CLOCK: variants seen among roughly 807,000 people sequenced by gnomAD.
The protein encoded by CLOCK is clock circadian regulator.
CLOCK carries 43 observed loss-of-function variants against 118.4 expected under a neutral mutation model. The observed-to-expected ratio is 0.36, with a 90% confidence interval of 0.28 to 0.47. The LOEUF (loss-of-function observed/expected upper bound fraction) is 0.47, where lower values mean the gene tolerates loss of function less well. Ranked by LOEUF, CLOCK falls within the 20% of genes least tolerant of loss-of-function variation. The probability of loss-of-function intolerance (pLI) is 1.00; values close to 1 mark genes in which losing one functional copy is unlikely to be tolerated. For synonymous variants in CLOCK, 326 were observed against 339.2 expected (o/e 0.96, Z 0.43); for missense variants, 846 against 999.9 (o/e 0.85, Z 2.08).
intron 1 of CLOCK, among the ~76,000 whole-genome samples, chr4:55,526,534 C>A (rs1185336893): frequency 1.3e-5 from 2 of 152,152 alleles, no homozygotes; most frequent in African/African-American, 4.8e-5. Flanking sequence ...GTAGCAATGT[C>A]ACATTCAAGA....
Position 55,430,864 on chromosome 4 carries a change from G to A in CLOCK, c.*4551C>T, listed in dbSNP as rs939031986. 4.6e-5 allele frequency: 7 copies of A among 152,142 alleles called. No individual in the cohort carries two copies. Among genetic ancestry groups the A allele is most frequent in the Non-Finnish European group, 8.8e-5 (6 of 68,026 alleles). 9.4% of individuals were successfully genotyped at this position (152,142 alleles called of 1,614,324 possible). Reference sequence around the variant, plus strand: ...CAATAGGCAAGATAGGTTTACAATAGTGTTTAAATCAAACTAGGCATCTAC... The same window carrying A: ...CAATAGGCAAGATAGGTTTACAATAATGTTTAAATCAAACTAGGCATCTAC... On this transcript the variant is annotated 3_prime_UTR_variant, in exon 23 of 23. Coordinates refer to ENST00000513440, the MANE Select transcript of CLOCK (RefSeq NM_004898.4).
intron 1 of CLOCK, among the ~76,000 whole-genome samples, chr4:55,542,379 A>ATATTATTATTAT (rs58368138): frequency 1.8e-5 from 1 of 56,566 alleles, no homozygotes; most frequent in African/African-American, 8.8e-5. Flanking sequence ...AATAATAATA[A>ATATTATTATTAT]TATTATTATT....
At chr4:55,505,474 G>T (rs1262865889) in intron 2 of CLOCK, among the ~76,000 whole-genome samples, 1 of 151,788 alleles carries the variant, frequency 6.6e-6, no homozygotes, top group East Asian at 2.0e-4. Flanking sequence ...GACCAGCCTG[G>T]GCAACATGGC....
At chr4:55,529,157 T>C (rs1302366707) in intron 1 of CLOCK, among the ~76,000 whole-genome samples, 1 of 152,100 alleles carries the variant, frequency 6.6e-6, no homozygotes, top group Admixed American at 6.6e-5. Context: ...AAAGATATTA[T>C]CTATTTTTTT....
chr4:55,428,865 G>C lies in CLOCK; in HGVS notation c.*6550C>G, dbSNP rs1467408837. The C allele has an allele frequency of 1.3e-5, 2 of 149,790 alleles. No individual in the cohort carries two copies. Among genetic ancestry groups the C allele is most frequent in the African/African-American group, 4.9e-5 (2 of 40,672 alleles). 9.3% of individuals were successfully genotyped at this position (149,790 alleles called of 1,614,324 possible). A position where few individuals can be genotyped will look rare whatever the true frequency, so the allele number is the denominator to read the frequency against. On this transcript the variant is annotated 3_prime_UTR_variant, in exon 23 of 23. Transcript: ENST00000513440. Reference sequence around the variant, plus strand: ...ATCTTTGGGCTTCAATCTTTACATAGAGTGAATATGAAAATGCCATACTGA... The same window carrying C: ...ATCTTTGGGCTTCAATCTTTACATACAGTGAATATGAAAATGCCATACTGA...
chr4:55,518,453 T>A (rs560695161), intron 1 of CLOCK, among the ~76,000 whole-genome samples: 33 of 152,342 alleles, frequency 2.2e-4, no homozygotes, highest in African/African-American at 7.5e-4. Context: ...GCTTAAAAGG[T>A]TGACTGTAGA....
At chr4:55,440,874 T>C (rs369269155) in intron 21 of CLOCK, among the ~76,000 whole-genome samples, 1 of 152,160 alleles carries the variant, frequency 6.6e-6, no homozygotes, top group South Asian at 2.1e-4. Context: ...AGCTCAAGTC[T>C]TGAAGAGTCA....
intron 17 of CLOCK, among the ~76,000 whole-genome samples, chr4:55,449,160 C>T (rs1724206684): frequency 8.8e-6 from 1 of 113,736 alleles, no homozygotes; most frequent in South Asian, 3.9e-4. Flanking sequence ...CAATTTTGAG[C>T]TTTCCACAAT....
At chr4:55,532,305 G>A (rs1032401610) in intron 1 of CLOCK, among the ~76,000 whole-genome samples, 2 of 152,126 alleles carry the variant, frequency 1.3e-5, no homozygotes, top group African/African-American at 4.8e-5. Context: ...CACAGTACCA[G>A]AAGTCCTAGA....
At chr4:55,448,636 G>A (rs1724146133) in intron 18 of CLOCK, 143 bp downstream of exon 18, 1 of 574,600 alleles carries the variant, frequency 1.7e-6, no homozygotes, top group African/African-American at 2.0e-5. Context: ...GTGTGTGTGT[G>A]TGTGTGTGCT....
chr4:55,482,545 T>C (rs975310601), intron 4 of CLOCK, among the ~76,000 whole-genome samples, 194 bp downstream of exon 4: 2 of 152,224 alleles, frequency 1.3e-5, no homozygotes, highest in African/African-American at 4.8e-5. Context: ...CATATGCTGC[T>C]GACTTTGCCT....
intron 2 of CLOCK, among the ~76,000 whole-genome samples, chr4:55,492,349 A>G (rs1330883939): frequency 9.6e-6 from 1 of 104,672 alleles, no homozygotes; most frequent in Admixed American, 1.1e-4. Context: ...TCCAACACCT[A>G]TTCATGATAA....
rs1726487728 is a variant in CLOCK, at chr4:55,476,022, G to A, written c.289C>T (p.Arg97Ter). 2 of 1,612,858 alleles carry A rather than the reference G, an allele frequency of 1.2e-6. No individual in the cohort carries two copies. Among genetic ancestry groups the A allele is most frequent in the Non-Finnish European group, 1.7e-6 (2 of 1,179,114 alleles). Reference protein sequence around the residue: ...ITAQSDASEIRQDWKPTFLSN... With the variant: ...ITAQSDASEI Reference sequence around the variant, plus strand: ...AGGAATGTAGGTTTCCAGTCCTGTCGAATTTCACTAGCATCTGACTGTGCA... The same window carrying A: ...AGGAATGTAGGTTTCCAGTCCTGTCAAATTTCACTAGCATCTGACTGTGCA... The change falls in exon 7 of 23, where the codon CGA (arginine) becomes TGA (stop). Residue 97 changes from arginine to a stop codon, truncating the protein, a stop_gained. Coordinates refer to ENST00000513440, the MANE Select transcript of CLOCK (RefSeq NM_004898.4). LOFTEE classifies it high-confidence loss of function.
At chr4:55,516,242 C>G (rs188913063) in intron 1 of CLOCK, among the ~76,000 whole-genome samples, 3 of 152,276 alleles carry the variant, frequency 2.0e-5, no homozygotes, top group Admixed American at 2.0e-4. Flanking sequence ...TTGAATTCAT[C>G]TATGTTTTTA....
Position 55,469,832 on chromosome 4 carries a change from C to T in CLOCK, c.438+885G>A, listed in dbSNP as rs985361510. 1.1e-4 allele frequency among the ~76,000 whole-genome samples: 16 copies of T among 152,170 alleles called. No homozygotes were observed. In the East Asian group the frequency reaches 1.5e-3, roughly 15 times the overall value. ...AATGCAATCCTCCTACTAGAGCCTC[C>T]GGATTAACTGGGACCACAGGTGCAT... On this transcript the variant is annotated intron_variant, in intron 8 of 22. Transcript: ENST00000513440.
intron 1 of CLOCK, among the ~76,000 whole-genome samples, chr4:55,510,759 T>A (rs1170854459): frequency 2.7e-5 from 4 of 150,796 alleles, no homozygotes; most frequent in Non-Finnish European, 5.9e-5. Context: ...AAGGGAACAG[T>A]GTGTTCAAAT....
chr4:55,445,099 G>A lies in CLOCK; in HGVS notation c.1540-314C>T, dbSNP rs1723699423. Among the ~76,000 whole-genome samples, 3 of 132,002 alleles carry A rather than the reference G, an allele frequency of 2.3e-5. 1 individual carries two copies. The highest frequency in any genetic ancestry group is 5.1e-5 in the Non-Finnish European group (3 of 58,940). The allele number at this position is 132,002 out of a possible 152,430, so 86.6% of individuals were successfully genotyped here. ...TGCTCTTATGTCAGGGTGCCAACGG[G>A]AAGCTTTTAATATTTTCTCAACCAC... On this transcript the variant is annotated intron_variant, in intron 18 of 22. Coordinates refer to ENST00000513440, the MANE Select transcript of CLOCK (RefSeq NM_004898.4).
chr4:55,443,120 T>C lies in CLOCK; in HGVS notation c.1903-486A>G, dbSNP rs528232287. Among the ~76,000 whole-genome samples the C allele has an allele frequency of 2.0e-4, 30 of 152,240 alleles. 2 individuals are homozygous for C. The South Asian group carries it at 4.6e-3, about 23-fold the overall frequency. On this transcript the variant is annotated intron_variant, in intron 20 of 22. Coordinates refer to ENST00000513440, the MANE Select transcript of CLOCK (RefSeq NM_004898.4). ...AAGTCATACCTTTTAAACACAGAAA[T>C]AGTCTAAGTTACAAGAACTTGGTAT...
At chr4:55,521,053 G>T (rs6554283) in intron 1 of CLOCK, among the ~76,000 whole-genome samples, 114,670 of 152,100 alleles carry the variant, frequency 0.75, 43,540 homozygotes, top group East Asian at 0.9. Flanking sequence ...CTATGCTCAC[G>T]GTTTTTTCAG....
Sources: allele counts gnomAD v4.1 joint callset (sites outside exome capture counted in the v4.1 genomes callset), GRCh38; gene constraint gnomAD v4.1.1; transcripts MANE v1.5; gene names NCBI Gene and HGNC (gene_info 2026-07-23, HGNC 2026-07-21).